The following UXS1 variants were observed in gnomAD, a reference collection of about 807,000 sequenced individuals.
UXS1 encodes the protein UDP-glucuronate decarboxylase 1.
A neutral mutation model predicts 62.6 loss-of-function variants in UXS1; 33 were observed. That is an observed-to-expected ratio of 0.53 (90% CI 0.40 to 0.70). The LOEUF is 0.70. Ranked by LOEUF, UXS1 falls within the 30% of genes least tolerant of loss-of-function variation. UXS1 has a pLI of 0.00. For missense variants in UXS1, 434 were observed against 556.3 expected, an observed-to-expected ratio of 0.78 and a Z score of 2.21; for synonymous variants, 213 against 206.8, an observed-to-expected ratio of 1.03 and a Z score of -0.26.
chr2:106,145,393 G>A, intron 5 of UXS1, 23 bp from the exon 6 acceptor site: 2 of 1,594,886 alleles, frequency 1.3e-6, no homozygotes, highest in Non-Finnish European at 1.7e-6. Context: ...AGCGTGTGCA[G>A]AGCATTCCCA....
At chr2:106,118,887 A>C (rs760656365) in intron 9 of UXS1, among the ~76,000 whole-genome samples, 1 of 152,210 alleles carries the variant, frequency 6.6e-6, no homozygotes, top group Non-Finnish European at 1.5e-5. Context: ...ATAAAATCAC[A>C]ATTTATACTT....
intron 11 of UXS1, among the ~76,000 whole-genome samples, chr2:106,103,722 G>T (rs1489780649): frequency 2.0e-5 from 3 of 152,320 alleles, no homozygotes; most frequent in Non-Finnish European, 4.4e-5. Context: ...ATATTAATGG[G>T]TGGGGAGGAA....
intron 5 of UXS1, among the ~76,000 whole-genome samples, chr2:106,156,106 C>T (rs180974097): frequency 2.6e-4 from 40 of 151,972 alleles, no homozygotes; most frequent in African/African-American, 9.2e-4. Context: ...AAAAAGAGAA[C>T]CCACAGAATG....
chr2:106,131,208 A>G (rs1274363948), intron 6 of UXS1, among the ~76,000 whole-genome samples: 14 of 149,968 alleles, frequency 9.3e-5, no homozygotes. Flanking sequence ...CGGCTTAAAA[A>G]ACGGCGCACC....
At chr2:106,138,020 C>A (rs542068745) in intron 6 of UXS1, among the ~76,000 whole-genome samples, 30 of 152,088 alleles carry the variant, frequency 2.0e-4, no homozygotes, top group African/African-American at 6.5e-4. Flanking sequence ...TGATCTTACA[C>A]AACAAATTAT....
intron 5 of UXS1, among the ~76,000 whole-genome samples, chr2:106,149,140 T>A (rs895229243): frequency 2.6e-5 from 4 of 152,130 alleles, no homozygotes; most frequent in African/African-American, 9.7e-5. Context: ...CAGACTCACA[T>A]GCCAAATGCC....
intron 1 of UXS1, among the ~76,000 whole-genome samples, chr2:106,185,761 CAA>C (rs1684513434): frequency 1.3e-5 from 2 of 152,108 alleles, no homozygotes; most frequent in South Asian, 4.1e-4. Context: ...AATCTAGTGA[CAA>C]ATGTTCTTAT....
At chr2:106,181,420 CAAAG>C (rs1684237982) in intron 1 of UXS1, among the ~76,000 whole-genome samples, 1 of 152,176 alleles carries the variant, frequency 6.6e-6, no homozygotes, top group Non-Finnish European at 1.5e-5. Context: ...ATGCCTAAGG[CAAAG>C]AAAGCTGGGG....
chr2:106,116,477 C>T (rs146955777), intron 9 of UXS1, among the ~76,000 whole-genome samples: 1 of 152,272 alleles, frequency 6.6e-6, no homozygotes, highest in Non-Finnish European at 1.5e-5. Flanking sequence ...CAGCATCTGC[C>T]GCCAAAGACT....
chr2:106,120,420 G>T (rs1441509560), intron 9 of UXS1, among the ~76,000 whole-genome samples: 1 of 152,176 alleles, frequency 6.6e-6, no homozygotes, highest in Non-Finnish European at 1.5e-5. Flanking sequence ...TGCACAGTGG[G>T]AACGGGTAGG....
intron 6 of UXS1, chr2:106,138,278 A>G (rs3795909): frequency 0.62 from 606,520 of 985,324 alleles, 186,945 homozygotes; most frequent in South Asian, 0.64. Context: ...TTGGTCAGAA[A>G]TAATCCCTTG....
intron 2 of UXS1, among the ~76,000 whole-genome samples, chr2:106,165,806 C>T (rs1331010957): frequency 3.1e-5 from 2 of 63,728 alleles, no homozygotes; most frequent in African/African-American, 8.4e-5. Flanking sequence ...ATTATCTACA[C>T]AAGGAGGGAA....
At chr2:106,112,618 T>A in intron 10 of UXS1, 28 bp downstream of exon 10, 1 of 1,611,946 alleles carries the variant, frequency 6.2e-7, no homozygotes, top group Non-Finnish European at 8.5e-7. Flanking sequence ...GGTTGCAAGG[T>A]GCTCCCTGAG....
chr2:106,155,537 A>G (rs1388366382), intron 5 of UXS1, among the ~76,000 whole-genome samples: 2 of 152,222 alleles, frequency 1.3e-5, no homozygotes, highest in Non-Finnish European at 2.9e-5. Flanking sequence ...ATGAACACAA[A>G]TACTTATCTT....
At chr2:106,124,918 A>G (rs1679804905) in intron 8 of UXS1, among the ~76,000 whole-genome samples, 1 of 152,218 alleles carries the variant, frequency 6.6e-6, no homozygotes, top group Non-Finnish European at 1.5e-5. Context: ...CTTGTCCACA[A>G]TAATAATGTA....
chr2:106,117,222 G>C (rs539321767), intron 9 of UXS1, among the ~76,000 whole-genome samples: 1 of 152,220 alleles, frequency 6.6e-6, no homozygotes, highest in Middle Eastern at 3.2e-3. Flanking sequence ...CTGGAACCTG[G>C]AGCTGCTGCG....
intron 5 of UXS1, among the ~76,000 whole-genome samples, chr2:106,151,255 T>G (rs931100546): frequency 6.6e-6 from 1 of 152,190 alleles, no homozygotes; most frequent in Non-Finnish European, 1.5e-5. Flanking sequence ...AAATACATTT[T>G]GCATGTAAGA....
At chr2:106,140,216 G>A (rs1680986808) in intron 6 of UXS1, among the ~76,000 whole-genome samples, 1 of 152,228 alleles carries the variant, frequency 6.6e-6, no homozygotes, top group Non-Finnish European at 1.5e-5. Context: ...CGCCAGTGCT[G>A]TCGACTGTTC....
chr2:106,144,390 C>T (rs1022575711), intron 6 of UXS1, among the ~76,000 whole-genome samples: 2 of 152,106 alleles, frequency 1.3e-5, no homozygotes, highest in African/African-American at 4.8e-5. Context: ...ACAGAAGAAA[C>T]AGCAAGAAGA....
Sources: gnomAD v4.1 joint callset for allele counts (sites outside exome capture counted in the v4.1 genomes callset) on GRCh38, gnomAD v4.1.1 for gene constraint, MANE v1.5 for transcripts, NCBI Gene and HGNC (gene_info 2026-07-23, HGNC 2026-07-21) for gene names.